The following AK9 variants were observed in gnomAD, a reference collection of about 807,000 sequenced individuals.
The protein encoded by AK9 is adenylate kinase 9, also known as adenylate kinase domain containing 1.
AK9 carries 191 observed loss-of-function variants against 239.6 expected under a neutral mutation model. The observed-to-expected ratio is 0.80, with a 90% CI of 0.71 to 0.90. AK9 has a LOEUF of 0.90. Ranked by LOEUF, AK9 falls within the 40% of genes least tolerant of loss-of-function variation. The pLI is 0.00. For synonymous variants in AK9, 689 were observed against 721.0 expected (o/e 0.96, Z 0.71); for missense variants, 1,995 against 2,214.7 (o/e 0.90, Z 1.99).
At chr6:109,533,572 A>G (rs2128135911) in intron 27 of AK9, 102 bp from the exon 28 acceptor site, 1 of 859,670 alleles carries the variant, frequency 1.2e-6, no homozygotes, top group Admixed American at 3.6e-5. Flanking sequence ...ATATTAAGTC[A>G]TCATTACACC....
At chr6:109,605,278 AT>A (rs1268312150) in intron 17 of AK9, among the ~76,000 whole-genome samples, 8 of 152,230 alleles carry the variant, frequency 5.3e-5, no homozygotes, top group African/African-American at 1.9e-4. Flanking sequence ...TCCTAAAAAA[AT>A]AAATGAGTGT....
chr6:109,676,600 TAA>T (rs1218563290), intron 1 of AK9, among the ~76,000 whole-genome samples: 1 of 151,920 alleles, frequency 6.6e-6, no homozygotes, highest in Non-Finnish European at 1.5e-5. Flanking sequence ...AAAATAGTGA[TAA>T]AAGTATTTTT....
chr6:109,497,362 A>ACTCTCTCTCTCTCTCT (rs761117338), intron 38 of AK9, 103 bp downstream of exon 38: 3 of 500,494 alleles, frequency 6.0e-6, no homozygotes, highest in African/African-American at 2.7e-5. Flanking sequence ...ACACACACAC[A>ACTCTCTCTCTCTCTCT]CTCTCTCTCT....
At chr6:109,614,027 G>A (rs953800035) in intron 15 of AK9, among the ~76,000 whole-genome samples, 156 bp downstream of exon 15, 3 of 152,100 alleles carry the variant, frequency 2.0e-5, no homozygotes, top group Admixed American at 6.6e-5. Context: ...CTGTTCTACA[G>A]TTGTTCAGGT....
intron 8 of AK9, among the ~76,000 whole-genome samples, chr6:109,649,655 C>T (rs1211622405): frequency 1.3e-5 from 2 of 152,190 alleles, no homozygotes; most frequent in East Asian, 1.9e-4. Context: ...AATGGCCATA[C>T]TGCCCAAGGT....
At chr6:109,614,328 T>C (rs1183454051) in intron 14 of AK9, 32 bp from the exon 15 acceptor site, 4 of 1,548,726 alleles carry the variant, frequency 2.6e-6, no homozygotes, top group Non-Finnish European at 3.5e-6. Flanking sequence ...CTTTATCAGC[T>C]AATCTATTTA....
chr6:109,534,220 CA>C (rs370974087), intron 27 of AK9, among the ~76,000 whole-genome samples: 90 of 109,042 alleles, frequency 8.3e-4, no homozygotes, highest in African/African-American at 8.1e-4. Context: ...AACTCCTTCT[CA>C]AAAAAAAAAA....
At chr6:109,657,368 A>G (rs537568585) in intron 7 of AK9, among the ~76,000 whole-genome samples, 3 of 152,214 alleles carry the variant, frequency 2.0e-5, no homozygotes, top group Admixed American at 1.3e-4. Context: ...AAATAAATAT[A>G]TAATATATTA....
chr6:109,505,845 G>A (rs1389130560), intron 35 of AK9, among the ~76,000 whole-genome samples: 2 of 152,164 alleles, frequency 1.3e-5, no homozygotes, highest in Non-Finnish European at 2.9e-5. Context: ...TACAGACTGG[G>A]TAATTAATAA....
chr6:109,655,747 C>T (rs1380317635), intron 8 of AK9, among the ~76,000 whole-genome samples: 1 of 152,160 alleles, frequency 6.6e-6, no homozygotes, highest in African/African-American at 2.4e-5. Flanking sequence ...TCTAATTTGG[C>T]TTTATTTCAT....
At chr6:109,572,885 G>A (rs1385108690) in intron 21 of AK9, among the ~76,000 whole-genome samples, 1 of 152,012 alleles carries the variant, frequency 6.6e-6, no homozygotes, top group African/African-American at 2.4e-5. Flanking sequence ...GGTTTTCATT[G>A]CCTATAGACT....
chr6:109,651,034 C>G (rs1412178115), intron 8 of AK9, among the ~76,000 whole-genome samples: 2 of 151,362 alleles, frequency 1.3e-5, no homozygotes, highest in Admixed American at 6.6e-5. Context: ...TGAACAATGA[C>G]AACACATGGA....
At chr6:109,645,240 G>A (rs892940934) in intron 8 of AK9, among the ~76,000 whole-genome samples, 13 of 152,194 alleles carry the variant, frequency 8.5e-5, no homozygotes, top group Non-Finnish European at 1.5e-4. Context: ...AGGGCGAGCC[G>A]AAGCAGGGCA....
intron 28 of AK9, among the ~76,000 whole-genome samples, chr6:109,529,391 C>T (rs891468471): frequency 9.2e-5 from 14 of 152,084 alleles, no homozygotes; most frequent in Non-Finnish European, 1.2e-4. Flanking sequence ...TAGGGAAATA[C>T]GTGGAGGCAA....
chr6:109,657,775 C>A (rs964452607), intron 7 of AK9, among the ~76,000 whole-genome samples: 1 of 151,890 alleles, frequency 6.6e-6, no homozygotes, highest in African/African-American at 2.4e-5. Context: ...ATTCAATTCC[C>A]ACCTATGAGT....
intron 20 of AK9, 140 bp from the exon 21 acceptor site, chr6:109,573,734 G>A: frequency 1.3e-6 from 1 of 769,818 alleles, no homozygotes; most frequent in African/African-American, 1.8e-5. Flanking sequence ...GGGGGAGATA[G>A]AAAAATTATC....
rs1256867716 is a variant in AK9, at chr6:109,672,437, C to T, written c.182-270G>A. Among the ~76,000 whole-genome samples the T allele has an allele frequency of 1.3e-5, 2 of 152,154 alleles. 1 individual carries two copies. The highest frequency in any genetic ancestry group is 3.9e-4 in the East Asian group (2 of 5,194). On this transcript the variant is annotated intron_variant, in intron 3 of 40. Transcript: ENST00000424296. ...GTGACTCATGTCTGCAATCCCAGTA[C>T]TTTGGGAGTTCAAGGCAGGAGGATT...
At chr6:109,616,891 G>T (rs1050221184) in intron 13 of AK9, among the ~76,000 whole-genome samples, 6 of 152,048 alleles carry the variant, frequency 3.9e-5, no homozygotes, top group African/African-American at 1.4e-4. Flanking sequence ...TATATGATTA[G>T]CTCTCTGGAA....
chr6:109,527,446 G>T (rs1780665539), intron 29 of AK9, among the ~76,000 whole-genome samples: 1 of 152,138 alleles, frequency 6.6e-6, no homozygotes. Context: ...TCTGTTCATG[G>T]AAGTGAGCTC....
Sources: gnomAD v4.1 joint callset for allele counts (sites outside exome capture counted in the v4.1 genomes callset) on GRCh38, gnomAD v4.1.1 for gene constraint, MANE v1.5 for transcripts, NCBI Gene and HGNC (gene_info 2026-07-23, HGNC 2026-07-21) for gene names.